Variants in TCF12 observed in about 807,000 individuals in gnomAD.
The protein encoded by TCF12 is DNA-binding protein HTF4.
A neutral mutation model predicts 86.0 loss-of-function variants in TCF12; 45 were observed. The ratio of observed to expected loss-of-function variants is 0.52; its 90% CI spans 0.41 to 0.67. The LOEUF is 0.67. Ranked by LOEUF, TCF12 falls within the 30% of genes least tolerant of loss-of-function variation. The pLI is 0.00. For missense variants in TCF12, 881 were observed against 859.9 expected (o/e 1.02, Z -0.31); for synonymous variants, 330 against 299.6 (o/e 1.10, Z -1.05).
intron 3 of TCF12, among the ~76,000 whole-genome samples, chr15:56,942,445 T>C (rs169892): frequency 1 from 152,143 of 152,330 alleles, 75,979 homozygotes; most frequent in Middle Eastern, 1. Context: ...AAAAATAATC[T>C]TCAGGCTGGG....
At chr15:57,278,325 A>C (rs1567040682) in intron 19 of TCF12, among the ~76,000 whole-genome samples, 1 of 152,186 alleles carries the variant, frequency 6.6e-6, no homozygotes, top group African/African-American at 2.4e-5. Context: ...TATTAGCTGC[A>C]GAAGAAAGGT....
At chr15:57,051,418 A>G (rs1265179743) in intron 3 of TCF12, among the ~76,000 whole-genome samples, 1 of 151,966 alleles carries the variant, frequency 6.6e-6, no homozygotes, top group Non-Finnish European at 1.5e-5. Context: ...TGTGTTTCCC[A>G]TCCGTAATTT....
chr15:56,973,587 A>G (rs2062450336), intron 3 of TCF12, among the ~76,000 whole-genome samples: 1 of 152,144 alleles, frequency 6.6e-6, no homozygotes, highest in South Asian at 2.1e-4. Context: ...GAAAATCACC[A>G]TTTGGCAACC....
chr15:57,138,203 T>G (rs2052694892), intron 5 of TCF12, among the ~76,000 whole-genome samples: 1 of 152,186 alleles, frequency 6.6e-6, no homozygotes, highest in Admixed American at 6.5e-5. Context: ...GGCTAAATAT[T>G]TCATGAAATT....
At chr15:57,177,329 G>T (rs1169233628) in intron 6 of TCF12, among the ~76,000 whole-genome samples, 1 of 148,602 alleles carries the variant, frequency 6.7e-6, no homozygotes, top group African/African-American at 2.5e-5. Flanking sequence ...GAGTACAATG[G>T]CATGATCTTG....
intron 5 of TCF12, among the ~76,000 whole-genome samples, chr15:57,115,763 G>T (rs754657558): frequency 6.6e-6 from 1 of 152,112 alleles, no homozygotes; most frequent in Admixed American, 6.5e-5. Flanking sequence ...TCATTTTGGC[G>T]TGTGGTGTAC....
intron 5 of TCF12, among the ~76,000 whole-genome samples, chr15:57,116,595 C>T (rs1406197440): frequency 6.6e-6 from 1 of 152,120 alleles, no homozygotes; most frequent in Non-Finnish European, 1.5e-5. Flanking sequence ...GATCCACCTG[C>T]CTCGGCCTCC....
chr15:57,249,440 C>T (rs2060008500), intron 13 of TCF12, among the ~76,000 whole-genome samples: 1 of 151,466 alleles, frequency 6.6e-6, no homozygotes, highest in Non-Finnish European at 1.5e-5. Flanking sequence ...AACTGAAGTG[C>T]ATATTTTTTC....
chr15:57,027,007 T>C (rs2065863444), intron 3 of TCF12, among the ~76,000 whole-genome samples: 1 of 152,194 alleles, frequency 6.6e-6, no homozygotes, highest in Non-Finnish European at 1.5e-5. Context: ...GTTTTTATTT[T>C]GTTGTATTTT....
chr15:57,275,323 T>TGGGGGGGGGGGGG, intron 19 of TCF12, among the ~76,000 whole-genome samples: 1 of 136,368 alleles, frequency 7.3e-6, no homozygotes, highest in African/African-American at 2.7e-5. Flanking sequence ...CTTTGTAAGG[T>TGGGGGGGGGGGGG]AGGGGTGTGT....
chr15:57,008,129 T>C (rs1350180629), intron 3 of TCF12, among the ~76,000 whole-genome samples: 2 of 151,036 alleles, frequency 1.3e-5, no homozygotes, highest in Non-Finnish European at 2.9e-5. Context: ...CCTGGCTGAT[T>C]TCTTTTTTTT....
intron 20 of TCF12, 24 bp downstream of exon 20, chr15:57,282,622 C>T (rs1597902924): frequency 1.3e-6 from 2 of 1,597,992 alleles, no homozygotes; most frequent in East Asian, 4.5e-5. Context: ...TGAAAAGAAA[C>T]AGCAAGGAAA....
At chr15:57,208,344 G>A (rs1003695943) in intron 8 of TCF12, among the ~76,000 whole-genome samples, 9 of 139,530 alleles carry the variant, frequency 6.5e-5, no homozygotes, top group African/African-American at 1.1e-4. Flanking sequence ...GATTCTTATA[G>A]TCAAAAGATA....
intron 3 of TCF12, among the ~76,000 whole-genome samples, chr15:57,002,159 T>G (rs546391930): frequency 2.0e-5 from 3 of 152,302 alleles, no homozygotes; most frequent in Admixed American, 2.0e-4. Context: ...AATTAGGAGT[T>G]GTCTCAATAG....
intron 5 of TCF12, among the ~76,000 whole-genome samples, chr15:57,162,415 A>G (rs1335875924): frequency 1.3e-5 from 2 of 152,200 alleles, no homozygotes; most frequent in African/African-American, 2.4e-5. Context: ...TAGACTGAGT[A>G]TGCATTATTT....
intron 5 of TCF12, among the ~76,000 whole-genome samples, chr15:57,160,890 A>G (rs1208632919): frequency 1.3e-5 from 2 of 151,188 alleles, no homozygotes; most frequent in African/African-American, 2.4e-5. Context: ...AGTTCTCACT[A>G]TGTTGCCCAG....
rs1437709309 is a variant in TCF12, at chr15:57,273,142, G to A, written c.1858G>A (p.Ala620Thr). The A allele has an allele frequency of 6.2e-7, 1 of 1,614,218 alleles. No homozygotes were observed. The highest frequency in any genetic ancestry group is 8.5e-7 in the Non-Finnish European group (1 of 1,180,030). The change falls in exon 19 of 21, where the codon GCA becomes ACA. Residue 620 changes from alanine to threonine, a missense_variant. Ala to Thr is a moderately conservative substitution (Grantham distance 58, BLOSUM62 0). This residue lies in a region of TCF12 where 46 missense variants were observed against 76.7 expected (regional missense o/e 0.60). Coordinates refer to ENST00000333725, the MANE Select transcript of TCF12 (RefSeq NM_207037.2). ...CTTACGCGTGCGGGATATTAATGAA[G>A]CATTCAAAGAGCTTGGCCGAATGTG... ...ERLRVRDINE[A>T]FKELGRMCQL...
chr15:57,248,567 AAAT>A (rs1468205068), intron 13 of TCF12, among the ~76,000 whole-genome samples: 5 of 151,978 alleles, frequency 3.3e-5, no homozygotes, highest in African/African-American at 9.7e-5. Context: ...TCACAGAAAA[AAAT>A]AATAAGGAGA....
chr15:57,123,049 T>A (rs1252620260), intron 5 of TCF12, among the ~76,000 whole-genome samples: 2 of 152,144 alleles, frequency 1.3e-5, no homozygotes, highest in African/African-American at 4.8e-5. Context: ...ATTACCAACA[T>A]TGAAGCAAAA....
Sources: allele counts gnomAD v4.1 joint callset (sites outside exome capture counted in the v4.1 genomes callset), GRCh38; gene constraint gnomAD v4.1.1; regional missense constraint gnomAD v4.1.1; transcripts MANE v1.5; gene names NCBI Gene and HGNC (gene_info 2026-07-23, HGNC 2026-07-21).